Variants in NHERF4 observed in about 807,000 individuals in gnomAD.
NHERF4 encodes Na(+)/H(+) exchange regulatory cofactor NHE-RF4.
At chr11:119,186,195 C>T in the NHERF4 span, 3 of 1,614,168 alleles carry the variant, frequency 1.9e-6, no homozygotes, top group African/African-American at 2.7e-5. The surrounding 1 kb of genome is among the most constrained non-coding windows in gnomAD (Gnocchi z 4.4). Flanking sequence ...GCAACCATTC[C>T]CTATCCCTGG....
chr11:119,188,613 A>C, the NHERF4 span: 14 of 1,612,846 alleles, frequency 8.7e-6, no homozygotes, highest in Admixed American at 1.7e-5. Context: ...GAGGTCCGAA[A>C]GATTTGCTCT....
chr11:119,185,666 C>T, the NHERF4 span: 1 of 784,670 alleles, frequency 1.3e-6, no homozygotes, highest in Non-Finnish European at 2.2e-6. Flanking sequence ...GTTGATATGT[C>T]TGTCTTCCTG....
the NHERF4 span, chr11:119,186,357 C>T: frequency 1.1e-5 from 17 of 1,556,830 alleles, no homozygotes; most frequent in South Asian, 1.5e-4. The surrounding 1 kb of genome is among the most constrained non-coding windows in gnomAD (Gnocchi z 4.4). Flanking sequence ...CCACCCAACA[C>T]CCAACCAGGC....
the NHERF4 span, chr11:119,188,865 C>T: frequency 1.2e-6 from 2 of 1,613,908 alleles, no homozygotes; most frequent in Non-Finnish European, 1.7e-6. Flanking sequence ...CTTCATCTCC[C>T]AGGTGACTGA....
the NHERF4 span, chr11:119,186,737 G>A: frequency 1.3e-6 from 2 of 1,531,626 alleles, no homozygotes; most frequent in Non-Finnish European, 1.8e-6. The surrounding 1 kb of genome is among the most constrained non-coding windows in gnomAD (Gnocchi z 4.4). Flanking sequence ...AGAAAGAGAA[G>A]CGGGTTGCTC....
chr11:119,189,097 C>A, the NHERF4 span: 1 of 1,613,984 alleles, frequency 6.2e-7, no homozygotes, highest in Non-Finnish European at 8.5e-7. This position sits in a 1 kb window ranked among gnomAD's most constrained non-coding sequence, Gnocchi z 5.8. Flanking sequence ...GACAGAATGA[C>A]CTGGAGAGGC....
the NHERF4 span, chr11:119,186,180 C>T: frequency 6.2e-7 from 1 of 1,614,180 alleles, no homozygotes; most frequent in Non-Finnish European, 8.5e-7. This position sits in a 1 kb window ranked among gnomAD's most constrained non-coding sequence, Gnocchi z 4.4. Flanking sequence ...CTCCCTCACC[C>T]CCTGGCAACC....
chr11:119,189,579 A>C, the NHERF4 span: 1 of 1,464,876 alleles, frequency 6.8e-7, no homozygotes, highest in African/African-American at 1.4e-5. The surrounding 1 kb of genome is among the most constrained non-coding windows in gnomAD (Gnocchi z 5.8). Context: ...TGCTCTCTCT[A>C]AGCCAGACCA....
At chr11:119,186,397 A>C in the NHERF4 span, 1 of 1,568,408 alleles carries the variant, frequency 6.4e-7, no homozygotes, top group Non-Finnish European at 8.8e-7. This position sits in a 1 kb window ranked among gnomAD's most constrained non-coding sequence, Gnocchi z 4.4. Flanking sequence ...ATCAGGACAC[A>C]GGGTCTGCCA....
At chr11:119,185,725 G>C in the NHERF4 span, 1 of 810,540 alleles carries the variant, frequency 1.2e-6, no homozygotes, top group South Asian at 1.5e-5. Context: ...AAGGACTTGG[G>C]GGGAGAGAAA....
chr11:119,188,547 G>T, the NHERF4 span: 1 of 1,599,606 alleles, frequency 6.3e-7, no homozygotes, highest in Admixed American at 1.7e-5. Context: ...CGCTTCTTCA[G>T]CATGGTGCGT....
the NHERF4 span, chr11:119,187,995 AAC>A: frequency 1.3e-6 from 2 of 1,573,072 alleles, no homozygotes; most frequent in Non-Finnish European, 1.7e-6. Context: ...GAGGTGGAAG[AAC>A]AGTGTCGCCA....
the NHERF4 span, chr11:119,187,563 G>C: frequency 8.1e-6 from 13 of 1,596,036 alleles, no homozygotes; most frequent in Non-Finnish European, 1.1e-5. Context: ...TTAATTTCTA[G>C]GCAATCAGGG....
At chr11:119,190,187 TAAATAAAAATAA>T in the NHERF4 span, 3 of 1,088,424 alleles carry the variant, frequency 2.8e-6, no homozygotes, top group Non-Finnish European at 2.6e-6. The surrounding 1 kb of genome is among the most constrained non-coding windows in gnomAD (Gnocchi z 4.2). Flanking sequence ...AGAAGAAAAC[TAAATAAAAATAA>T]AAATAAAAAT....
the NHERF4 span, chr11:119,187,276 C>T: frequency 1.3e-5 from 21 of 1,596,752 alleles, no homozygotes; most frequent in South Asian, 2.3e-5. Flanking sequence ...CCAGGTGGTA[C>T]GCCGCATCCG....
chr11:119,189,290 A>C, the NHERF4 span: 1 of 1,513,694 alleles, frequency 6.6e-7, no homozygotes, highest in South Asian at 1.2e-5. The surrounding 1 kb of genome is among the most constrained non-coding windows in gnomAD (Gnocchi z 5.8). Context: ...GGCGAGGTAC[A>C]AGGTGAAGCC....
chr11:119,187,668 GAGA>G, the NHERF4 span: 1 of 1,536,530 alleles, frequency 6.5e-7, no homozygotes, highest in Non-Finnish European at 8.8e-7. Flanking sequence ...GGTCAGTGTG[GAGA>G]AGTTCACTCA....
At chr11:119,189,256 G>A in the NHERF4 span, 1 of 1,562,756 alleles carries the variant, frequency 6.4e-7, no homozygotes. The surrounding 1 kb of genome is among the most constrained non-coding windows in gnomAD (Gnocchi z 5.8). Flanking sequence ...AGGGCAGGGA[G>A]GAGTGAGAAA....
chr11:119,185,767 TG>T, the NHERF4 span: 2 of 954,206 alleles, frequency 2.1e-6, no homozygotes, highest in Non-Finnish European at 3.3e-6. Flanking sequence ...CCTGTGTGTA[TG>T]GCAGTGAGAA....
Sources: allele counts gnomAD v4.1 joint callset, GRCh38; gene constraint gnomAD v4.1.1; non-coding constraint Gnocchi (gnomAD v3.1); transcripts MANE v1.5; gene names NCBI Gene and HGNC (gene_info 2026-07-23, HGNC 2026-07-21).